ERICH3: variants seen among roughly 807,000 people sequenced by gnomAD.
ERICH3 encodes glutamate-rich protein 3.
ERICH3 carries 126 observed loss-of-function variants against 131.1 expected under a neutral mutation model. That is an observed-to-expected ratio of 0.96 (90% CI 0.83 to 1.11). The LOEUF (loss-of-function observed/expected upper bound fraction) is 1.11, where lower values mean the gene tolerates loss of function less well. Among genes scored for constraint, ERICH3 ranks in the 50% most tolerant of loss-of-function variants. The pLI, the probability that ERICH3 is intolerant of heterozygous loss-of-function variation, is 0.00. For missense variants in ERICH3, 2,050 were observed against 1,810.7 expected, an observed-to-expected ratio of 1.13 and a Z score of -2.40; for synonymous variants, 695 against 644.6, an observed-to-expected ratio of 1.08 and a Z score of -1.18.
At chr1:74,600,736 C>T (rs1186995191) in intron 10 of ERICH3, among the ~76,000 whole-genome samples, 3 of 151,602 alleles carry the variant, frequency 2.0e-5, no homozygotes, top group Non-Finnish European at 2.9e-5. Context: ...TTTCTTCCAC[C>T]AAAAACTAAA....
In ERICH3 at chr1:74,620,790, T is replaced by C. The variant is rs201603492; in HGVS notation, c.944A>G (p.Gln315Arg). 8.1e-6 allele frequency: 13 copies of C among 1,613,544 alleles called. No homozygotes were observed. Among genetic ancestry groups the C allele is most frequent in the Admixed American group, 3.3e-5 (2 of 59,948 alleles). ...PDFRDEIKVYQQHCGGENLCV... is the reference protein window; with the variant it reads ...PDFRDEIKVYRQHCGGENLCV... ...AAGGTTTTCCCCACCACAGTGCTGC[T>C]GATAAACTTTAATTTCATCCCGGAA... The change falls in exon 8 of 15, where the codon CAG becomes CGG. Residue 315 changes from glutamine to arginine, a missense_variant. Physicochemically the swap from Gln to Arg is conservative, Grantham distance 43. Coordinates refer to ENST00000326665, the MANE Select transcript of ERICH3 (RefSeq NM_001002912.5).
chr1:74,642,874 G>T (rs535248548), intron 4 of ERICH3, among the ~76,000 whole-genome samples, 153 bp downstream of exon 4: 1 of 152,180 alleles, frequency 6.6e-6, no homozygotes, highest in East Asian at 1.9e-4. Flanking sequence ...TAATGATGAT[G>T]GCTAAGATTT....
chr1:74,673,791 C>G lies in ERICH3; in HGVS notation c.-272G>C. On this transcript the variant is annotated 5_prime_UTR_variant, in exon 1 of 15. Transcript: ENST00000326665. ...AGGGTCTGGAGAAGCGGAGGCGCTA[C>G]TGGAACCGAGCCTGCGGAAGCTGGA... 2.7e-6 allele frequency: 1 copy of G among 376,836 alleles called. No homozygotes were observed. Among genetic ancestry groups the G allele is most frequent in the Admixed American group, 4.7e-5 (1 of 21,378 alleles). 23.3% of individuals were successfully genotyped at this position (376,836 alleles called of 1,614,324 possible). A position where few individuals can be genotyped will look rare whatever the true frequency, so the allele number is the denominator to read the frequency against.
chr1:74,666,714 T>C (rs1310266136), intron 1 of ERICH3, among the ~76,000 whole-genome samples: 1 of 152,166 alleles, frequency 6.6e-6, no homozygotes, highest in Non-Finnish European at 1.5e-5. Context: ...AGAGGTATAG[T>C]AAATCCTATC....
rs1327176289 is a variant in ERICH3 at position 74,568,699 on chromosome 1, A to C, written c.*1759T>G. The C allele has an allele frequency of 1.3e-5, 2 of 152,182 alleles. No individual in the cohort carries two copies. The highest frequency in any genetic ancestry group is 6.5e-5 in the Admixed American group (1 of 15,278). The allele number at this position is 152,182 out of a possible 1,614,324, so 9.4% of individuals were successfully genotyped here. A position where few individuals can be genotyped will look rare whatever the true frequency, so the allele number is the denominator to read the frequency against. On this transcript the variant is annotated 3_prime_UTR_variant, in exon 15 of 15. Transcript: ENST00000326665. ...TATATTGAGTGCCATTTACTAGAGA[A>C]AGAAAGACAGATAAATCAGAAGACA... is the stretch of plus-strand genomic sequence containing the variant.
At chr1:74,644,566 C>T (rs1305163046) in intron 3 of ERICH3, among the ~76,000 whole-genome samples, 4 of 152,046 alleles carry the variant, frequency 2.6e-5, no homozygotes, top group African/African-American at 4.8e-5. Flanking sequence ...CTACAGTGCA[C>T]ATACCTCCAA....
upstream of ERICH3, chr1:74,673,841 T>C: frequency 3.2e-6 from 1 of 308,346 alleles, no homozygotes; most frequent in Non-Finnish European, 5.8e-6. Context: ...CTACCCCTTT[T>C]TCTGGGCCCT....
chr1:74,606,702 G>GT lies in ERICH3; in HGVS notation c.1387dup (p.Thr463AsnfsTer16). ...AGCAGTTACCACTTCTTTGAGCCCT[G>GT]TTTTTATTTCTTGAGCTGAAAATTT... On this transcript the variant is annotated frameshift_variant, in exon 10 of 15. Coordinates refer to ENST00000326665, the MANE Select transcript of ERICH3 (RefSeq NM_001002912.5). LOFTEE classifies it high-confidence loss of function. The GT allele has an allele frequency of 6.2e-7, 1 of 1,613,174 alleles. No individual in the cohort carries two copies.
intron 11 of ERICH3, among the ~76,000 whole-genome samples, chr1:74,596,113 T>C (rs1647834679): frequency 6.6e-6 from 1 of 152,080 alleles, no homozygotes; most frequent in Non-Finnish European, 1.5e-5. Flanking sequence ...ATTACTGTGA[T>C]TCTGGGACTT....
chr1:74,630,135 C>A (rs541055399), intron 7 of ERICH3, among the ~76,000 whole-genome samples: 1 of 152,028 alleles, frequency 6.6e-6, no homozygotes, highest in Non-Finnish European at 1.5e-5. Flanking sequence ...TTTTAACATC[C>A]GAAAATCAAA....
chr1:74,585,900 T>C (rs1386203762), intron 12 of ERICH3, among the ~76,000 whole-genome samples: 5 of 152,138 alleles, frequency 3.3e-5, no homozygotes, highest in Admixed American at 2.6e-4. Flanking sequence ...AGTATTTGTA[T>C]TTAGAAAACA....
At chr1:74,621,063 A>C (rs1649199828) in intron 7 of ERICH3, 149 bp from the exon 8 acceptor site, 1 of 652,622 alleles carries the variant, frequency 1.5e-6, no homozygotes. Flanking sequence ...AATGCACAAA[A>C]AGTCAAACTC....
chr1:74,597,749 A>T lies in ERICH3; in HGVS notation c.1726+1946T>A, dbSNP rs558382561. Among the ~76,000 whole-genome samples, 406 of 152,148 alleles carry T rather than the reference A, an allele frequency of 2.7e-3. 2 individuals are homozygous for T. Among genetic ancestry groups the T allele is most frequent in the African/African-American group, 9.3e-3 (385 of 41,556 alleles). ...ATGCAGAGGATTCCTTACACCATAT[A>T]AAAAAATCAACTCAAGATGTATTAA... is the stretch of plus-strand genomic sequence containing the variant. On this transcript the variant is annotated intron_variant, in intron 11 of 14. Coordinates refer to ENST00000326665, the MANE Select transcript of ERICH3 (RefSeq NM_001002912.5).
chr1:74,585,076 T>C (rs150850065), intron 12 of ERICH3, among the ~76,000 whole-genome samples: 1 of 152,338 alleles, frequency 6.6e-6, no homozygotes, highest in African/African-American at 2.4e-5. Flanking sequence ...TTTGACATTA[T>C]AATTTACATT....
chr1:74,599,664 C>T (rs1557677206), intron 11 of ERICH3, 31 bp downstream of exon 11: 2 of 1,510,732 alleles, frequency 1.3e-6, no homozygotes, highest in Admixed American at 1.9e-5. Flanking sequence ...CAGTAAACAG[C>T]CTATGTTACA....
chr1:74,601,963 A>C (rs1483885169), intron 10 of ERICH3, among the ~76,000 whole-genome samples: 5 of 151,844 alleles, frequency 3.3e-5, no homozygotes, highest in Non-Finnish European at 7.4e-5. Flanking sequence ...GGGCATAATA[A>C]ATATTATGGA....
At chr1:74,657,146 T>A (rs964788597) in intron 1 of ERICH3, among the ~76,000 whole-genome samples, 2 of 152,200 alleles carry the variant, frequency 1.3e-5, no homozygotes, top group Non-Finnish European at 2.9e-5. Flanking sequence ...GGCAGAAGCA[T>A]ATTTTATGTA....
chr1:74,619,763 AAC>A, intron 8 of ERICH3, among the ~76,000 whole-genome samples: 2 of 152,372 alleles, frequency 1.3e-5, no homozygotes, highest in Admixed American at 1.3e-4. Flanking sequence ...AATGGAAAAA[AAC>A]AGTTTCTGAC....
At chr1:74,628,694 T>TAC (rs3036412) in intron 7 of ERICH3, among the ~76,000 whole-genome samples, 5,092 of 148,792 alleles carry the variant, frequency 0.034, 278 homozygotes, top group African/African-American at 0.12. Context: ...CCATATACAG[T>TAC]ACACACACAC....
Sources: allele counts gnomAD v4.1 joint callset (sites outside exome capture counted in the v4.1 genomes callset), GRCh38; gene constraint gnomAD v4.1.1; transcripts MANE v1.5; gene names NCBI Gene and HGNC (gene_info 2026-07-23, HGNC 2026-07-21).